MLF2: variants seen among roughly 807,000 people sequenced by gnomAD.
MLF2 encodes myeloid leukemia factor 2, also known as myelodysplasia-myeloid leukemia factor 2.
MLF2 carries 12 observed loss-of-function variants against 31.4 expected under a neutral mutation model. The ratio of observed to expected loss-of-function variants is 0.38; its 90% CI spans 0.24 to 0.62. The LOEUF (loss-of-function observed/expected upper bound fraction) is 0.62, where lower values mean the gene tolerates loss of function less well. Ranked by LOEUF, MLF2 falls within the 20% of genes least tolerant of loss-of-function variation. MLF2 has a pLI of 0.58. For synonymous variants in MLF2, 109 were observed against 118.8 expected (o/e 0.92, Z 0.54); for missense variants, 272 against 359.7 (o/e 0.76, Z 1.97).
At position 6,748,909 on chromosome 12, in the gene MLF2, A is replaced by C; in HGVS notation, c.633T>G (p.Phe211Leu). ...SRFRQQRPLE[F>L]RRLESSGAGG... Reference sequence around the variant, plus strand: ...CAGCCCCTGAGGACTCAAGCCGCCGAAACTCCAGGGGACGCTGCTGCCGGA... The same window carrying C: ...CAGCCCCTGAGGACTCAAGCCGCCGCAACTCCAGGGGACGCTGCTGCCGGA... Residue 211 changes from phenylalanine (F) to leucine (L), a missense_variant, in exon 8 of 9, where the codon TTT becomes TTG. Phe to Leu is a conservative substitution (Grantham distance 22). Transcript: ENST00000203630. This position sits in a 1 kb window ranked among gnomAD's most constrained non-coding sequence, Gnocchi z 4.6. 6.2e-7 allele frequency: 1 copy of C among 1,602,160 alleles called. No homozygotes were observed. The highest frequency in any genetic ancestry group is 8.5e-7 in the Non-Finnish European group (1 of 1,174,970).
rs1290519166 is a variant in MLF2, at chr12:6,753,078, T to G, written c.-168A>C. The G allele has an allele frequency of 1.8e-5, 7 of 387,808 alleles. No homozygotes were observed. The highest frequency in any genetic ancestry group is 1.3e-4 in the Admixed American group (3 of 22,296). The allele number at this position is 387,808 out of a possible 1,614,324, so 24.0% of individuals were successfully genotyped here. On this transcript the variant is annotated 5_prime_UTR_variant, in exon 1 of 9. Coordinates refer to ENST00000203630, the MANE Select transcript of MLF2 (RefSeq NM_001382226.1). ...CTTCCACGCCGCCTCCTCCCACAGC[T>G]GCCACCTCCGTACGGCCCCCTCGGC...
At position 6,750,809 on chromosome 12, in the gene MLF2, A is replaced by G. The variant is rs756994553; in HGVS notation, c.217-43T>C. ...AAAACAGAGTCAGGAAAGCAAAGTC[A>G]GTGTTCAGAGTTGATCCTGTTTAGG... On this transcript the variant is annotated intron_variant, in intron 4 of 8. Coordinates refer to ENST00000203630, the MANE Select transcript of MLF2 (RefSeq NM_001382226.1). This position sits in a 1 kb window ranked among gnomAD's most constrained non-coding sequence, Gnocchi z 5.3. 1.8e-5 allele frequency: 29 copies of G among 1,582,888 alleles called. No individual in the cohort carries two copies. The highest frequency in any genetic ancestry group is 2.7e-5 in the African/African-American group (2 of 74,262).
rs150499194 is a variant in MLF2 at position 6,749,661 on chromosome 12, G to C, written c.559+187C>G. On this transcript the variant is annotated intron_variant, in intron 7 of 8. Coordinates refer to ENST00000203630, the MANE Select transcript of MLF2 (RefSeq NM_001382226.1). This position sits in a 1 kb window ranked among gnomAD's most constrained non-coding sequence, Gnocchi z 5.3. ...ACCCGGGAGGCGGAGGTTGCAGTGA[G>C]CTGAGATCGCGCCACTGCACTCCAG... is the stretch of plus-strand genomic sequence containing the variant. 0.029 allele frequency: 20,881 copies of C among 726,356 alleles called. 448 individuals carry two copies. Among genetic ancestry groups the C allele is most frequent in the Middle Eastern group, 0.069 (165 of 2,382 alleles). 45.0% of individuals were successfully genotyped at this position (726,356 alleles called of 1,614,324 possible).
At position 6,750,770 on chromosome 12, in the gene MLF2, G is replaced by C. The variant is rs1941601937; in HGVS notation, c.217-4C>G. On this transcript the variant is annotated splice_polypyrimidine_tract_variant and splice_region_variant and intron_variant, in intron 4 of 8. Coordinates refer to ENST00000203630, the MANE Select transcript of MLF2 (RefSeq NM_001382226.1). The surrounding 1 kb of genome is among the most constrained non-coding windows in gnomAD (Gnocchi z 5.3). ...ACATGTCCATGAAACCACCCGACTG[G>C]AGGAAAGAGATGGAAAACAGAGTCA... 1 of 1,613,778 alleles carries C rather than the reference G, an allele frequency of 6.2e-7. No individual in the cohort carries two copies. Among genetic ancestry groups the C allele is most frequent in the South Asian group, 1.1e-5 (1 of 91,044 alleles).
intron 4 of MLF2, 140 bp downstream of exon 4, chr12:6,751,501 C>T: frequency 9.7e-7 from 1 of 1,026,090 alleles, no homozygotes; most frequent in Non-Finnish European, 1.5e-6. Flanking sequence ...ACCCAACAGG[C>T]TCAGAGCTTT....
At position 6,752,437 on chromosome 12, in the gene MLF2, G is replaced by A; in HGVS notation, c.-28-75C>T. 8.1e-7 allele frequency: 1 copy of A among 1,231,684 alleles called. No individual in the cohort carries two copies. 76.3% of individuals were successfully genotyped at this position (1,231,684 alleles called of 1,614,324 possible). The stretch of plus-strand genomic sequence containing the variant: ...CACCCACTCAGTGTGGGGACTCTCA[G>A]AGCACTGTCCTTTCCAAATCCTGTA... On this transcript the variant is annotated intron_variant, in intron 1 of 8. Transcript: ENST00000203630. The surrounding 1 kb of genome is among the most constrained non-coding windows in gnomAD (Gnocchi z 4.6).
In MLF2 at chr12:6,752,064, G is replaced by GAGCACATAGTATGGATGGC. The variant is rs764452117; in HGVS notation, c.51-29_51-11dup. On this transcript the variant is annotated splice_polypyrimidine_tract_variant and intron_variant, in intron 2 of 8. Coordinates refer to ENST00000203630, the MANE Select transcript of MLF2 (RefSeq NM_001382226.1). This position sits in a 1 kb window ranked among gnomAD's most constrained non-coding sequence, Gnocchi z 4.6. ...AATAGCAAAGGGATCCCTGTGGAGT[G>GAGCACATAGTATGGATGGC]AGCACATAGTATGGATGGCAGAAGC... 1.2e-4 allele frequency: 192 copies of GAGCACATAGTATGGATGGC among 1,613,944 alleles called. No individual in the cohort carries two copies. The highest frequency in any genetic ancestry group is 1.5e-4 in the Non-Finnish European group (180 of 1,180,002).
chr12:6,751,068 G>T (rs1941606021), intron 4 of MLF2: 2 of 383,506 alleles, frequency 5.2e-6, no homozygotes, highest in African/African-American at 2.1e-5. Flanking sequence ...CTCTAAAGAG[G>T]TAAGGCATGA....
rs1054739474 is a variant in MLF2 at position 6,749,889 on chromosome 12, C to T, written c.518G>A (p.Gly173Glu). The change falls in exon 7 of 9, where the codon GGG becomes GAG. Residue 173 changes from glycine (G) to glutamate (E), a missense_variant. Transcript: ENST00000203630. This position sits in a 1 kb window ranked among gnomAD's most constrained non-coding sequence, Gnocchi z 5.3. Reference sequence around the variant, plus strand: ...ATAGTCCTGCCGCTCCTCCTGGTCCCCCGTGCGATGGTTTCGGGAGCGCTG... The same window carrying T: ...ATAGTCCTGCCGCTCCTCCTGGTCCTCCGTGCGATGGTTTCGGGAGCGCTG... ...ILQRSRNHRTGDQEERQDYIN... is the reference protein window; with the variant it reads ...ILQRSRNHRTEDQEERQDYIN... 1 of 1,614,204 alleles carries T rather than the reference C, an allele frequency of 6.2e-7. No individual in the cohort carries two copies.
In MLF2 at chr12:6,748,544, G is replaced by A. The variant is rs2137777757; in HGVS notation, c.*29C>T. 2.5e-6 allele frequency: 1 copy of A among 406,546 alleles called. No individual in the cohort carries two copies. Among genetic ancestry groups the A allele is most frequent in the East Asian group, 3.9e-5 (1 of 25,816 alleles). The allele number at this position is 406,546 out of a possible 1,614,324, so 25.2% of individuals were successfully genotyped here. A position where few individuals can be genotyped will look rare whatever the true frequency, so the allele number is the denominator to read the frequency against. On this transcript the variant is annotated 3_prime_UTR_variant, in exon 9 of 9. Transcript: ENST00000203630. This position sits in a 1 kb window ranked among gnomAD's most constrained non-coding sequence, Gnocchi z 4.6. ...GGATGATTTCTCAGCCTCTCAGCCT[G>A]TACCTGGAGGGGGAAAGAGAGAGGA...
Position 6,748,991 on chromosome 12 carries a change from G to C in MLF2, c.560-9C>G, listed in dbSNP as rs770718121. ...AAACGCTGCGGCCTCACCTGGAAAG[G>C]ACAGAGCGGACATGAGGCCTGTGTG... On this transcript the variant is annotated splice_polypyrimidine_tract_variant and intron_variant, in intron 7 of 8. Transcript: ENST00000203630. This position sits in a 1 kb window ranked among gnomAD's most constrained non-coding sequence, Gnocchi z 4.6. The C allele has an allele frequency of 4.5e-6, 7 of 1,569,814 alleles. No individual in the cohort carries two copies. In the Admixed American group the frequency reaches 1.4e-4, roughly 31 times the overall value.
Position 6,750,448 on chromosome 12 carries a change from C to T in MLF2, c.271-143G>A, listed in dbSNP as rs993498894. ...AAAAACATCAGGCCTCATCATTACC[C>T]TCCCAAATTCCTCTGAGTCCAACCA... On this transcript the variant is annotated intron_variant, in intron 5 of 8. Coordinates refer to ENST00000203630, the MANE Select transcript of MLF2 (RefSeq NM_001382226.1). This position sits in a 1 kb window ranked among gnomAD's most constrained non-coding sequence, Gnocchi z 5.3. 2.0e-5 allele frequency: 24 copies of T among 1,178,950 alleles called. No homozygotes were observed. The highest frequency in any genetic ancestry group is 2.6e-5 in the Admixed American group (1 of 38,504). The allele number at this position is 1,178,950 out of a possible 1,614,324, so 73.0% of individuals were successfully genotyped here.
chr12:6,750,616 T>A lies in MLF2; in HGVS notation c.270+97A>T. On this transcript the variant is annotated intron_variant, in intron 5 of 8. Transcript: ENST00000203630. This position sits in a 1 kb window ranked among gnomAD's most constrained non-coding sequence, Gnocchi z 5.3. ...ATTACTTTATCCAGTACTTTACCCT[T>A]CACTAGCATACTGTTTCCCTCTTGC... The A allele has an allele frequency of 7.3e-7, 1 of 1,365,654 alleles. No individual in the cohort carries two copies. The highest frequency in any genetic ancestry group is 1.0e-6 in the Non-Finnish European group (1 of 963,146). 84.6% of individuals were successfully genotyped at this position (1,365,654 alleles called of 1,614,324 possible).
At position 6,750,822 on chromosome 12, in the gene MLF2, G is replaced by T; in HGVS notation, c.217-56C>A. ...GAAAGCAAAGTCAGTGTTCAGAGTT[G>T]ATCCTGTTTAGGAACCCACAACCCA... On this transcript the variant is annotated intron_variant, in intron 4 of 8. Coordinates refer to ENST00000203630, the MANE Select transcript of MLF2 (RefSeq NM_001382226.1). The surrounding 1 kb of genome is among the most constrained non-coding windows in gnomAD (Gnocchi z 5.3). The T allele has an allele frequency of 6.4e-7, 1 of 1,550,634 alleles. No homozygotes were observed. Among genetic ancestry groups the T allele is most frequent in the South Asian group, 1.1e-5 (1 of 88,874 alleles).
chr12:6,750,727 T>C lies in MLF2; in HGVS notation c.256A>G (p.Met86Val). 2 of 1,614,090 alleles carry C rather than the reference T, an allele frequency of 1.2e-6. No individual in the cohort carries two copies. Among genetic ancestry groups the C allele is most frequent in the Non-Finnish European group, 1.7e-6 (2 of 1,179,996 alleles). Residue 86 changes from methionine (M) to valine (V), a missense_variant, in exon 5 of 9, where the codon ATG becomes GTG. Transcript: ENST00000203630. The surrounding 1 kb of genome is among the most constrained non-coding windows in gnomAD (Gnocchi z 5.3). Reference protein sequence around the residue: ...FMDMFGMMNDMIGNMEHMTAG... With the variant: ...FMDMFGMMNDVIGNMEHMTAG... ...GCAAGTCTCACCATGTTTCCAATCATGTCATTCATCATCCCAAACATGTCC... is the reference window on the plus strand; with the variant it reads ...GCAAGTCTCACCATGTTTCCAATCACGTCATTCATCATCCCAAACATGTCC...
chr12:6,751,652 T>A lies in MLF2; in HGVS notation c.205A>T (p.Met69Leu). 1 of 1,613,990 alleles carries A rather than the reference T, an allele frequency of 6.2e-7. No homozygotes were observed. The highest frequency in any genetic ancestry group is 8.5e-7 in the Non-Finnish European group (1 of 1,179,908). Residue 69 changes from methionine (M) to leucine (L), a missense_variant, in exon 4 of 9, where the codon ATG becomes TTG. Transcript: ENST00000203630. ...AGATAAAGACTCACCATTCCCAGCA[T>A]CCCAAAGGGGGAGACAGCTCCAGCC... ...QQAGAVSPFG[M>L]LGMSGGFMDM...
At position 6,751,623 on chromosome 12, in the gene MLF2, A is replaced by G; in HGVS notation, c.216+18T>C. On this transcript the variant is annotated intron_variant, in intron 4 of 8. Transcript: ENST00000203630. The stretch of plus-strand genomic sequence containing the variant: ...GAGTGTGTCTGAGATGGAAGGACAC[A>G]GGGAGATAAAGACTCACCATTCCCA... The G allele has an allele frequency of 6.2e-7, 1 of 1,612,258 alleles. No individual in the cohort carries two copies. The highest frequency in any genetic ancestry group is 8.5e-7 in the Non-Finnish European group (1 of 1,178,252).
In MLF2 at chr12:6,752,728, G is replaced by GA; in HGVS notation, c.-29+210_-29+211insT. The GA allele has an allele frequency of 2.4e-5, 4 of 163,466 alleles. No homozygotes were observed. Among genetic ancestry groups the GA allele is most frequent in the Admixed American group, 2.0e-4 (3 of 15,088 alleles). 10.1% of individuals were successfully genotyped at this position (163,466 alleles called of 1,614,324 possible). ...CCCCATTAATGACCCCAGTCACCCC[G>GA]CCCCCTCCTTACACTCAGGCCTCCC... On this transcript the variant is annotated intron_variant, in intron 1 of 8. Coordinates refer to ENST00000203630, the MANE Select transcript of MLF2 (RefSeq NM_001382226.1). The surrounding 1 kb of genome is among the most constrained non-coding windows in gnomAD (Gnocchi z 4.6).
intron 4 of MLF2, 95 bp downstream of exon 4, chr12:6,751,546 C>T: frequency 1.5e-6 from 2 of 1,362,442 alleles, no homozygotes; most frequent in Non-Finnish European, 2.1e-6. Context: ...TCTGGGGTTA[C>T]TCATGAAACT....
Sources: gnomAD v4.1 joint callset for allele counts on GRCh38, gnomAD v4.1.1 for gene constraint, Gnocchi (gnomAD v3.1) non-coding constraint, MANE v1.5 for transcripts, NCBI Gene and HGNC (gene_info 2026-07-23, HGNC 2026-07-21) for gene names.